Variants in ENOX1 observed in about 807,000 individuals in gnomAD.
ENOX1 encodes ecto-NOX disulfide-thiol exchanger 1, also known as candidate growth-related and time keeping constitutive hydroquinone (NADH) oxidase.
In ENOX1, 42 loss-of-function variants were observed where a neutral mutation model predicts 82.5. That is an observed-to-expected ratio of 0.51 (90% CI 0.40 to 0.66). The LOEUF (loss-of-function observed/expected upper bound fraction) is 0.66. ENOX1 is among the 30% of genes least tolerant of loss of function. The probability of loss-of-function intolerance (pLI) is 0.00; values close to 1 mark genes in which losing one functional copy is unlikely to be tolerated. For synonymous variants in ENOX1, 271 were observed against 282.2 expected, an observed-to-expected ratio of 0.96 and a Z score of 0.40; for missense variants, 608 against 811.6, an observed-to-expected ratio of 0.75 and a Z score of 3.05.
chr13:43,400,029 G>A (rs1323817189), intron 5 of ENOX1, among the ~76,000 whole-genome samples: 1 of 151,970 alleles, frequency 6.6e-6, no homozygotes, highest in East Asian at 1.9e-4. Context: ...TCCTGAAAAT[G>A]CTCATGCCTT....
chr13:43,739,760 T>C (rs1044962799), intron 1 of ENOX1, among the ~76,000 whole-genome samples: 10 of 151,838 alleles, frequency 6.6e-5, no homozygotes, highest in Admixed American at 5.3e-4. Context: ...CTGTGTGATA[T>C]ACGGTTAACC....
intron 9 of ENOX1, among the ~76,000 whole-genome samples, chr13:43,331,318 C>CGGTGAAA (rs2153534258): frequency 1.3e-5 from 2 of 152,254 alleles, no homozygotes; most frequent in South Asian, 4.1e-4. Flanking sequence ...AGCTAAATAG[C>CGGTGAAA]GGTGAAAGAG....
chr13:43,684,711 G>A (rs1360705361), intron 1 of ENOX1, among the ~76,000 whole-genome samples: 5 of 152,094 alleles, frequency 3.3e-5, no homozygotes, highest in Non-Finnish European at 1.5e-5. Flanking sequence ...TTACCACAGA[G>A]ACTGATATGA....
chr13:43,246,016 C>T (rs2043065198), intron 14 of ENOX1, among the ~76,000 whole-genome samples: 1 of 152,122 alleles, frequency 6.6e-6, no homozygotes, highest in African/African-American at 2.4e-5. Context: ...AGTTTACTGC[C>T]AGAGATATCC....
rs532524302 is a variant in ENOX1, at chr13:43,248,302, A to G, written c.1612-11564T>C. On this transcript the variant is annotated intron_variant, in intron 14 of 16. Transcript: ENST00000690772. ...ATGGGTGAAAATGACTGGCCATCAT[A>G]AGGGTTTGGTCAGTACCCTGGGCCT... Among the ~76,000 whole-genome samples, 75 of 152,108 alleles carry G rather than the reference A, an allele frequency of 4.9e-4. 1 individual carries two copies. The highest frequency in any genetic ancestry group is 6.9e-4 in the Non-Finnish European group (47 of 68,018).
chr13:43,336,888 T>C (rs1468428825), intron 9 of ENOX1, among the ~76,000 whole-genome samples: 1 of 152,258 alleles, frequency 6.6e-6, no homozygotes, highest in East Asian at 1.9e-4. Flanking sequence ...ACCAGATCTC[T>C]CTGCCTTGTC....
chr13:43,535,677 G>C (rs2078430114), intron 2 of ENOX1, among the ~76,000 whole-genome samples: 1 of 152,082 alleles, frequency 6.6e-6, no homozygotes, highest in Non-Finnish European at 1.5e-5. Context: ...CAGGCTACTT[G>C]CTCCCCATGG....
intron 2 of ENOX1, among the ~76,000 whole-genome samples, chr13:43,555,012 T>TTAAAAA (rs1215740361): frequency 6.6e-6 from 1 of 152,200 alleles, no homozygotes. Context: ...CAAAGTAGCT[T>TTAAAAA]TAAAAATAAC....
chr13:43,465,242 T>C (rs1317359999), intron 3 of ENOX1, among the ~76,000 whole-genome samples: 1 of 152,232 alleles, frequency 6.6e-6, no homozygotes, highest in Non-Finnish European at 1.5e-5. Flanking sequence ...GGAATTCTTT[T>C]AGAAGAAAGA....
In ENOX1 at chr13:43,387,971, T is replaced by C. The variant is rs189411823; in HGVS notation, c.208+23945A>G. Among the ~76,000 whole-genome samples the C allele has an allele frequency of 7.2e-4, 110 of 152,206 alleles. 1 individual carries two copies. Among genetic ancestry groups the C allele is most frequent in the Non-Finnish European group, 9.4e-4 (64 of 68,004 alleles). ...CAGACTGCTCAGGAAAAGTTAACCA[T>C]AGGTGGGTGGAAGCTTTTCCCCAGC... On this transcript the variant is annotated intron_variant, in intron 5 of 16. Transcript: ENST00000690772.
chr13:43,224,735 A>G (rs1288587134), intron 15 of ENOX1, among the ~76,000 whole-genome samples: 1 of 152,204 alleles, frequency 6.6e-6, no homozygotes, highest in African/African-American at 2.4e-5. Context: ...TGTAATTTAC[A>G]AGATCATTTT....
intron 12 of ENOX1, among the ~76,000 whole-genome samples, chr13:43,270,474 G>T (rs2044622720): frequency 6.6e-6 from 1 of 152,190 alleles, no homozygotes; most frequent in Admixed American, 6.5e-5. Flanking sequence ...GCTATGAAGA[G>T]ACCTGTCTCC....
chr13:43,686,774 T>C (rs2086098890), intron 1 of ENOX1, among the ~76,000 whole-genome samples: 1 of 152,178 alleles, frequency 6.6e-6, no homozygotes, highest in Non-Finnish European at 1.5e-5. Flanking sequence ...GAACAGTGTC[T>C]GTCTTCTCTC....
At chr13:43,384,945 GGC>G (rs2052311544) in intron 5 of ENOX1, among the ~76,000 whole-genome samples, 1 of 152,060 alleles carries the variant, frequency 6.6e-6, no homozygotes, top group South Asian at 2.1e-4. Flanking sequence ...ATTCAAACAA[GGC>G]TGTTCATTGG....
intron 2 of ENOX1, among the ~76,000 whole-genome samples, chr13:43,580,269 T>C (rs2080652645): frequency 6.6e-6 from 1 of 152,238 alleles, no homozygotes; most frequent in Non-Finnish European, 1.5e-5. Context: ...TCACATTGTC[T>C]AAAAATTAGC....
At chr13:43,548,222 T>G (rs148908921) in intron 2 of ENOX1, among the ~76,000 whole-genome samples, 1 of 152,332 alleles carries the variant, frequency 6.6e-6, no homozygotes, top group East Asian at 1.9e-4. Context: ...AGTTTCTTTT[T>G]AAGTCAAAAA....
chr13:43,609,669 T>C (rs974849708), intron 2 of ENOX1, among the ~76,000 whole-genome samples: 10 of 152,236 alleles, frequency 6.6e-5, no homozygotes, highest in African/African-American at 2.2e-4. Context: ...TGGAAAAATG[T>C]TCTTTTGTTA....
chr13:43,387,366 G>T (rs2052482693), intron 5 of ENOX1, among the ~76,000 whole-genome samples: 1 of 152,150 alleles, frequency 6.6e-6, no homozygotes, highest in Non-Finnish European at 1.5e-5. Flanking sequence ...GGAAGATATG[G>T]AGGACGAGAT....
chr13:43,684,849 C>T (rs1030862037), intron 1 of ENOX1, among the ~76,000 whole-genome samples: 1 of 152,002 alleles, frequency 6.6e-6, no homozygotes. Context: ...AATATTTTCC[C>T]TAATTACAAA....
Sources: allele counts gnomAD v4.1 joint callset (sites outside exome capture counted in the v4.1 genomes callset), GRCh38; gene constraint gnomAD v4.1.1; transcripts MANE v1.5; gene names NCBI Gene and HGNC (gene_info 2026-07-23, HGNC 2026-07-21).